Variants in HIBADH observed in about 807,000 individuals in gnomAD.
HIBADH encodes the protein 3-hydroxyisobutyrate dehydrogenase.
Under a neutral mutation model 36.1 loss-of-function variants are expected in HIBADH, and 25 were observed. That is an observed-to-expected ratio of 0.69 (90% confidence interval 0.50 to 0.97). The LOEUF (loss-of-function observed/expected upper bound fraction) is 0.97, where lower values mean the gene tolerates loss of function less well. Among genes scored for constraint, HIBADH ranks in the 50% least tolerant of loss-of-function variants. The pLI, the probability that HIBADH is intolerant of heterozygous loss-of-function variation, is 0.00. For synonymous variants in HIBADH, 160 were observed against 149.5 expected, an observed-to-expected ratio of 1.07 and a Z score of -0.51; for missense variants, 421 against 418.0, an observed-to-expected ratio of 1.01 and a Z score of -0.06.
At position 27,560,019 on chromosome 7, in the gene HIBADH, T is replaced by C. The variant is rs544097264; in HGVS notation, c.485-16919A>G. ...CATAATTTTGTTTCCTCTTCACAAGTTGTGCAGTTTTGTTCCACTATAAGA... is the reference window on the plus strand; with the variant it reads ...CATAATTTTGTTTCCTCTTCACAAGCTGTGCAGTTTTGTTCCACTATAAGA... On this transcript the variant is annotated intron_variant, in intron 4 of 7. Coordinates refer to ENST00000265395, the MANE Select transcript of HIBADH (RefSeq NM_152740.4). Among the ~76,000 whole-genome samples the C allele has an allele frequency of 1.4e-4, 22 of 152,368 alleles. No individual in the cohort carries two copies. The East Asian group carries it at 4.2e-3, about 29-fold the overall frequency.
intron 1 of HIBADH, among the ~76,000 whole-genome samples, chr7:27,660,332 G>A (rs548933244): frequency 6.6e-6 from 1 of 152,104 alleles, no homozygotes; most frequent in Non-Finnish European, 1.5e-5. Context: ...CACTTTTGCA[G>A]TAAACTAAAA....
At chr7:27,625,807 A>G (rs113214104) in intron 4 of HIBADH, among the ~76,000 whole-genome samples, 1 of 152,142 alleles carries the variant, frequency 6.6e-6, no homozygotes, top group Admixed American at 6.5e-5. Flanking sequence ...TCTGATAAAG[A>G]TGTACACTTT....
chr7:27,567,484 A>G (rs1784564175), intron 4 of HIBADH, among the ~76,000 whole-genome samples: 1 of 152,082 alleles, frequency 6.6e-6, no homozygotes, highest in Non-Finnish European at 1.5e-5. Flanking sequence ...ATTTAATGTT[A>G]GTATTGATAG....
At chr7:27,582,310 T>A (rs1784804905) in intron 4 of HIBADH, among the ~76,000 whole-genome samples, 1 of 152,154 alleles carries the variant, frequency 6.6e-6, no homozygotes, top group African/African-American at 2.4e-5. Context: ...GTGTGAATAT[T>A]CATATATTTC....
intron 1 of HIBADH, among the ~76,000 whole-genome samples, chr7:27,660,368 C>T (rs996898761): frequency 3.9e-5 from 6 of 152,040 alleles, no homozygotes; most frequent in African/African-American, 1.2e-4. Flanking sequence ...ATGTTTAAAA[C>T]AATTCCAAAG....
intron 4 of HIBADH, among the ~76,000 whole-genome samples, chr7:27,544,802 T>A (rs981671889): frequency 1.3e-5 from 2 of 152,316 alleles, no homozygotes; most frequent in Non-Finnish European, 2.9e-5. Context: ...TTAAAAAAAA[T>A]TAATGCTGAC....
intron 2 of HIBADH, among the ~76,000 whole-genome samples, chr7:27,648,471 G>C (rs1047492326): frequency 3.3e-5 from 5 of 152,168 alleles, no homozygotes; most frequent in African/African-American, 1.2e-4. Flanking sequence ...AAGCTGTTCT[G>C]TAACTAGGTA....
At chr7:27,533,905 T>C (rs1164361646) in intron 6 of HIBADH, among the ~76,000 whole-genome samples, 1 of 152,190 alleles carries the variant, frequency 6.6e-6, no homozygotes, top group Admixed American at 6.5e-5. Flanking sequence ...TCAGAAGATA[T>C]ACAGCTCAAG....
At chr7:27,581,928 C>G (rs922582565) in intron 4 of HIBADH, among the ~76,000 whole-genome samples, 1 of 151,580 alleles carries the variant, frequency 6.6e-6, no homozygotes, top group African/African-American at 2.4e-5. Context: ...AAATATAGTA[C>G]TTGATTTTAG....
rs537119275 is a variant in HIBADH at position 27,593,277 on chromosome 7, C to T, written c.484+36094G>A. The stretch of plus-strand genomic sequence containing the variant: ...GATTTTCAAACTAGGGATGCTCATC[C>T]GGGTATGTATTCTGCAAACACTCCA... On this transcript the variant is annotated intron_variant, in intron 4 of 7. Transcript: ENST00000265395. Among the ~76,000 whole-genome samples, 173 of 152,210 alleles carry T rather than the reference C, an allele frequency of 1.1e-3. 1 individual carries two copies. The highest frequency in any genetic ancestry group is 3.6e-3 in the African/African-American group (150 of 41,524).
chr7:27,577,438 C>G (rs1450343844), intron 4 of HIBADH, among the ~76,000 whole-genome samples: 2 of 152,068 alleles, frequency 1.3e-5, no homozygotes, highest in African/African-American at 4.8e-5. Flanking sequence ...GCTGGGATTA[C>G]CGGCATGAGC....
chr7:27,586,078 G>T (rs192702038), intron 4 of HIBADH, among the ~76,000 whole-genome samples: 1 of 152,180 alleles, frequency 6.6e-6, no homozygotes, highest in African/African-American at 2.4e-5. Flanking sequence ...CATTTTCTCT[G>T]CAATTTATTC....
chr7:27,558,016 T>C (rs1035878893), intron 4 of HIBADH, among the ~76,000 whole-genome samples: 16 of 152,216 alleles, frequency 1.1e-4, no homozygotes, highest in South Asian at 2.1e-4. Context: ...CATTTTTTTC[T>C]AGAAAATCAC....
chr7:27,615,990 G>A (rs906271111), intron 4 of HIBADH, among the ~76,000 whole-genome samples: 7 of 152,164 alleles, frequency 4.6e-5, no homozygotes, highest in Non-Finnish European at 1.0e-4. Flanking sequence ...GAATACCCAA[G>A]GCTGGATAAT....
rs186735701 is a variant in HIBADH, at chr7:27,660,439, G to A, written c.91+2259C>T. Among the ~76,000 whole-genome samples the A allele has an allele frequency of 4.6e-5, 7 of 152,354 alleles. No homozygotes were observed. In the South Asian group the frequency reaches 8.3e-4, roughly 18 times the overall value. Reference sequence around the variant, plus strand: ...AGCACTCTGGGAGGCCAAGGCGGGCGGATCACGAGGTCAAGTGATAGAGAC... The same window carrying A: ...AGCACTCTGGGAGGCCAAGGCGGGCAGATCACGAGGTCAAGTGATAGAGAC... On this transcript the variant is annotated intron_variant, in intron 1 of 7. Coordinates refer to ENST00000265395, the MANE Select transcript of HIBADH (RefSeq NM_152740.4).
At chr7:27,626,487 G>C (rs937638664) in intron 4 of HIBADH, among the ~76,000 whole-genome samples, 6 of 152,086 alleles carry the variant, frequency 3.9e-5, no homozygotes, top group Non-Finnish European at 7.4e-5. Flanking sequence ...AATGTACACA[G>C]GAGCCATTAC....
chr7:27,590,150 A>G (rs993172217), intron 4 of HIBADH, among the ~76,000 whole-genome samples: 2 of 152,200 alleles, frequency 1.3e-5, no homozygotes, highest in African/African-American at 4.8e-5. Context: ...TGCCCACTCC[A>G]AGAGATTCAA....
intron 6 of HIBADH, among the ~76,000 whole-genome samples, chr7:27,532,675 ACTAAGGATTGT>A (rs894697755): frequency 2.0e-5 from 3 of 152,228 alleles, no homozygotes; most frequent in Non-Finnish European, 4.4e-5. Context: ...GATGGATTTT[ACTAAGGATTGT>A]AACAGATACA....
intron 4 of HIBADH, among the ~76,000 whole-genome samples, chr7:27,578,653 C>T (rs1435406620): frequency 6.6e-6 from 1 of 152,098 alleles, no homozygotes; most frequent in African/African-American, 2.4e-5. Flanking sequence ...CAAAAATAAC[C>T]AGATTATATT....
Sources: gnomAD v4.1 joint callset for allele counts (sites outside exome capture counted in the v4.1 genomes callset) on GRCh38, gnomAD v4.1.1 for gene constraint, MANE v1.5 for transcripts, NCBI Gene and HGNC (gene_info 2026-07-23, HGNC 2026-07-21) for gene names.